Variants in KATNAL2 observed in about 807,000 individuals in gnomAD.
KATNAL2 encodes the protein katanin p60 ATPase-containing subunit A-like 2.
Under a neutral mutation model 76.3 loss-of-function variants are expected in KATNAL2, and 52 were observed. That is an observed-to-expected ratio of 0.68 (90% CI 0.55 to 0.86). The LOEUF is 0.86. Among genes scored for constraint, KATNAL2 ranks in the 40% least tolerant of loss-of-function variants. The probability of loss-of-function intolerance (pLI) is 0.00; values close to 1 mark genes in which losing one functional copy is unlikely to be tolerated. For missense variants in KATNAL2, 660 were observed against 668.9 expected (o/e 0.99, Z 0.15); for synonymous variants, 243 against 244.2 (o/e 1.00, Z 0.05).
chr18:46,945,302 T>C (rs963663326), intron 1 of KATNAL2, among the ~76,000 whole-genome samples: 2 of 152,254 alleles, frequency 1.3e-5, no homozygotes, highest in Admixed American at 1.3e-4. Flanking sequence ...AACTAATTTG[T>C]TCTCTGCCTA....
intron 16 of KATNAL2, 90 bp from the exon 17 acceptor site, chr18:47,100,163 AG>A: frequency 2.4e-6 from 2 of 821,398 alleles, no homozygotes; most frequent in South Asian, 1.5e-5. Flanking sequence ...GAATCTACAC[AG>A]GGCTTCTGAT....
intron 1 of KATNAL2, among the ~76,000 whole-genome samples, chr18:46,926,501 C>G (rs191945549): frequency 2.2e-4 from 34 of 152,256 alleles, no homozygotes; most frequent in South Asian, 6.2e-4. Context: ...TGCTTTACTT[C>G]CAACTATGTG....
At chr18:46,961,380 A>C (rs868420850) in intron 3 of KATNAL2, among the ~76,000 whole-genome samples, 141 of 152,308 alleles carry the variant, frequency 9.3e-4, no homozygotes, top group African/African-American at 3.0e-3. Context: ...TCTCACTTTC[A>C]TCATCAGTTT....
At chr18:46,955,149 T>TCTTTCTTTCTTTCTTTCTTG (rs1491474577) in intron 3 of KATNAL2, among the ~76,000 whole-genome samples, 1 of 141,634 alleles carries the variant, frequency 7.1e-6, no homozygotes. Context: ...TCTCTTTCTT[T>TCTTTCTTTCTTTCTTTCTTG]CTTTCTTTCT....
At chr18:46,924,528 C>T (rs990724430) in intron 1 of KATNAL2, among the ~76,000 whole-genome samples, 1 of 152,100 alleles carries the variant, frequency 6.6e-6, no homozygotes, top group African/African-American at 2.4e-5. Flanking sequence ...CAGCTTTGTT[C>T]TTTTGGCTTA....
Position 47,044,214 on chromosome 18 carries a change from C to CA in KATNAL2, c.52-2234dup, listed in dbSNP as rs200618039. Among the ~76,000 whole-genome samples, 917 of 150,200 alleles carry CA rather than the reference C, an allele frequency of 6.1e-3. 9 individuals carry two copies. Among genetic ancestry groups the CA allele is most frequent in the African/African-American group, 0.02 (835 of 40,924 alleles). On this transcript the variant is annotated intron_variant, in intron 3 of 17. Coordinates refer to ENST00000683218, the MANE Select transcript of KATNAL2 (RefSeq NM_001387690.1). ...ATGATAGCTGATGAGAAAAAAAAAG[C>CA]AAAAAAAAATCTCATGTTTTAAGAA...
intron 3 of KATNAL2, among the ~76,000 whole-genome samples, chr18:47,031,441 G>T (rs1222848037): frequency 1.3e-5 from 2 of 151,970 alleles, no homozygotes; most frequent in Non-Finnish European, 2.9e-5. Context: ...GTGTGTTGTG[G>T]TGGGGGCGGG....
intron 3 of KATNAL2, chr18:47,033,571 T>C (rs2060596593): frequency 1.2e-6 from 2 of 1,614,140 alleles, no homozygotes; most frequent in Non-Finnish European, 1.7e-6. Flanking sequence ...ATACAGCTGA[T>C]CGGGCCTCCA....
At position 46,954,527 on chromosome 18, in the gene KATNAL2, C is replaced by T. The variant is rs536556371; in HGVS notation, c.51+7604C>T. ...TCTATTTTTAGTACAGACAGGGTTT[C>T]ACCATGTTGGCCAGGATGGTCTTGA... On this transcript the variant is annotated intron_variant, in intron 3 of 17. Coordinates refer to ENST00000683218, the MANE Select transcript of KATNAL2 (RefSeq NM_001387690.1). Among the ~76,000 whole-genome samples the T allele has an allele frequency of 9.2e-5, 14 of 151,706 alleles. No homozygotes were observed. The East Asian group carries it at 1.4e-3, about 15-fold the overall frequency.
At chr18:47,075,482 A>T in intron 14 of KATNAL2, 114 bp downstream of exon 14, 1 of 654,970 alleles carries the variant, frequency 1.5e-6, no homozygotes, top group Non-Finnish European at 2.3e-6. Context: ...TGAGCCCATT[A>T]ATAAGCCCAC....
At chr18:47,059,764 T>C in intron 8 of KATNAL2, 110 bp downstream of exon 8, 1 of 807,362 alleles carries the variant, frequency 1.2e-6, no homozygotes, top group Non-Finnish European at 2.0e-6. Context: ...GATGTGATTT[T>C]TGAAGGTTGG....
chr18:46,927,779 C>A (rs907499397), intron 1 of KATNAL2, among the ~76,000 whole-genome samples: 6 of 152,096 alleles, frequency 3.9e-5, no homozygotes, highest in Admixed American at 3.9e-4. Context: ...AGGCTTTGTT[C>A]GTTTCTTTTT....
intron 13 of KATNAL2, among the ~76,000 whole-genome samples, chr18:47,071,953 CTTTTTTTTTTTTTTTTTTTTT>C (rs574265545): frequency 5.5e-4 from 24 of 43,950 alleles, no homozygotes; most frequent in East Asian, 3.1e-3. Flanking sequence ...CCAATTTCTT[CTTTTTTTTTTTTTTTTTTTTT>C]TTTTTTTTTT....
intron 8 of KATNAL2, among the ~76,000 whole-genome samples, chr18:47,061,594 C>T (rs560355029): frequency 3.9e-5 from 6 of 152,142 alleles, no homozygotes; most frequent in Admixed American, 6.5e-5. Flanking sequence ...CTTTAGGACA[C>T]CCTCCCTGCA....
At chr18:46,934,529 T>C (rs1249407710) in intron 1 of KATNAL2, among the ~76,000 whole-genome samples, 1 of 152,222 alleles carries the variant, frequency 6.6e-6, no homozygotes, top group Non-Finnish European at 1.5e-5. Context: ...TTTGAGTTCA[T>C]TGTAGATTCT....
chr18:47,085,633 G>C (rs910743853), intron 15 of KATNAL2, among the ~76,000 whole-genome samples: 4 of 152,026 alleles, frequency 2.6e-5, no homozygotes, highest in African/African-American at 9.7e-5. Flanking sequence ...CCCCAGAAGA[G>C]GACTACTTTC....
intron 3 of KATNAL2, among the ~76,000 whole-genome samples, chr18:46,959,847 T>G (rs1434187376): frequency 6.6e-6 from 1 of 152,120 alleles, no homozygotes; most frequent in Non-Finnish European, 1.5e-5. Context: ...AATGCTGAGG[T>G]TACAGGTGTG....
chr18:47,032,835 G>A, intron 3 of KATNAL2: 2 of 1,340,356 alleles, frequency 1.5e-6, no homozygotes, highest in Non-Finnish European at 2.0e-6. Flanking sequence ...GGCTGGGTGT[G>A]GGAGGCAAAA....
Position 47,075,277 on chromosome 18 carries a change from G to A in KATNAL2, c.1009G>A (p.Val337Met). ...ACTTGCTTGCTTTTCCCCCACCCAG[G>A]TGTTATTTGAGCTTGCCCGCTACCA... ...WRGDSEKLVRVLFELARYHAP... is the reference protein window; with the variant it reads ...WRGDSEKLVRMLFELARYHAP... The change falls in exon 14 of 18, where the codon GTG (valine) becomes ATG (methionine). Residue 337 changes from valine to methionine, a missense_variant and splice_region_variant. By Grantham distance (21) the Val-to-Met change is conservative. Transcript: ENST00000683218. The A allele has an allele frequency of 6.5e-7, 1 of 1,547,046 alleles. No homozygotes were observed. The highest frequency in any genetic ancestry group is 8.7e-7 in the Non-Finnish European group (1 of 1,154,550).
Sources: gnomAD v4.1 joint callset for allele counts (sites outside exome capture counted in the v4.1 genomes callset) on GRCh38, gnomAD v4.1.1 for gene constraint, MANE v1.5 for transcripts, NCBI Gene and HGNC (gene_info 2026-07-23, HGNC 2026-07-21) for gene names.